GRIN2A: variants seen among roughly 807,000 people sequenced by gnomAD.
GRIN2A encodes the protein glutamate receptor ionotropic, NMDA 2A.
In GRIN2A, 22 loss-of-function variants were observed where a neutral mutation model predicts 113.4. The ratio of observed to expected loss-of-function variants is 0.19; its 90% CI spans 0.14 to 0.28. The LOEUF (loss-of-function observed/expected upper bound fraction) is 0.28. GRIN2A is among the 10% of genes least tolerant of loss of function. GRIN2A has a pLI of 1.00. For synonymous variants in GRIN2A, 827 were observed against 738.4 expected (o/e 1.12, Z -1.94); for missense variants, 1,502 against 1,887.0 (o/e 0.80, Z 3.78).
In GRIN2A at chr16:9,966,412, C is replaced by T. The variant is rs193203622; in HGVS notation, c.415-27861G>A. On this transcript the variant is annotated intron_variant, in intron 2 of 12. Coordinates refer to ENST00000330684, the MANE Select transcript of GRIN2A (RefSeq NM_001134407.3). ...GTGTTAGTTTCCTAAGGATAATGGC[C>T]TCCAGCTCCATCCATGTCCCTGCAC... 9.9e-5 allele frequency among the ~76,000 whole-genome samples: 15 copies of T among 152,230 alleles called. No homozygotes were observed. In the East Asian group the frequency reaches 2.9e-3, roughly 29 times the overall value.
At chr16:10,016,797 C>A (rs766174089) in intron 2 of GRIN2A, among the ~76,000 whole-genome samples, 2 of 152,206 alleles carry the variant, frequency 1.3e-5, no homozygotes, top group Non-Finnish European at 2.9e-5. Context: ...GGGCACCATC[C>A]CACTACCCCT....
At chr16:10,021,282 T>C (rs940761156) in intron 2 of GRIN2A, among the ~76,000 whole-genome samples, 12 of 152,158 alleles carry the variant, frequency 7.9e-5, no homozygotes, top group African/African-American at 2.4e-4. Flanking sequence ...TTATTGAACA[T>C]CTATGTTGTG....
rs552017613 is a variant in GRIN2A at position 9,895,471 on chromosome 16, T to C, written c.1008-4371A>G. On this transcript the variant is annotated intron_variant, in intron 3 of 12. Coordinates refer to ENST00000330684, the MANE Select transcript of GRIN2A (RefSeq NM_001134407.3). ...GCAGGAGTCAGATAAGCAAGTACTA[T>C]ATAGACTGAGTTTAGACTTCATCTT... is the stretch of plus-strand genomic sequence containing the variant. Among the ~76,000 whole-genome samples, 5 of 152,336 alleles carry C rather than the reference T, an allele frequency of 3.3e-5. No individual in the cohort carries two copies. In the South Asian group the frequency reaches 1.0e-3, roughly 32 times the overall value.
intron 10 of GRIN2A, among the ~76,000 whole-genome samples, chr16:9,814,364 C>A (rs938427832): frequency 2.6e-5 from 4 of 152,126 alleles, no homozygotes; most frequent in Non-Finnish European, 5.9e-5. Flanking sequence ...TTGAGCTTCA[C>A]ATTCTTCATC....
intron 2 of GRIN2A, among the ~76,000 whole-genome samples, chr16:10,106,547 C>G (rs2048504954): frequency 6.6e-6 from 1 of 151,958 alleles, no homozygotes; most frequent in Non-Finnish European, 1.5e-5. Flanking sequence ...GATTCTAAGT[C>G]CCTTGAAGAT....
At chr16:9,890,270 G>T (rs1340512818) in intron 4 of GRIN2A, among the ~76,000 whole-genome samples, 2 of 152,182 alleles carry the variant, frequency 1.3e-5, no homozygotes, top group African/African-American at 4.8e-5. Flanking sequence ...CGAAATTGTA[G>T]CGACTAACTT....
chr16:9,902,940 G>GTTT (rs34185441), intron 3 of GRIN2A, among the ~76,000 whole-genome samples: 5 of 50,634 alleles, frequency 9.9e-5, no homozygotes, highest in African/African-American at 1.1e-4. Context: ...TCTTGGTTCT[G>GTTT]TTTTTTTTTT....
chr16:9,885,104 C>T (rs992448055), intron 4 of GRIN2A, among the ~76,000 whole-genome samples: 2 of 152,024 alleles, frequency 1.3e-5, no homozygotes, highest in African/African-American at 2.4e-5. Flanking sequence ...GCCATTTGTT[C>T]CAGGGTTGGC....
intron 2 of GRIN2A, among the ~76,000 whole-genome samples, chr16:10,121,939 A>T (rs565413463): frequency 7.3e-4 from 111 of 152,354 alleles, no homozygotes; most frequent in African/African-American, 2.6e-3. Flanking sequence ...AAAACCCTGC[A>T]AACAAGAGAG....
rs1037649627 is a variant in GRIN2A, at chr16:9,758,336, A to G, written c.*4813T>C. On this transcript the variant is annotated 3_prime_UTR_variant, in exon 13 of 13. Coordinates refer to ENST00000330684, the MANE Select transcript of GRIN2A (RefSeq NM_001134407.3). ...GGCATTGTCTTCAGAAGCAAATGCG[A>G]GCAGAATATATTCTATACCCCTCAT... 1 of 224,760 alleles carries G rather than the reference A, an allele frequency of 4.4e-6. No homozygotes were observed. Among genetic ancestry groups the G allele is most frequent in the Non-Finnish European group, 8.9e-6 (1 of 112,784 alleles). The allele number at this position is 224,760 out of a possible 1,614,324, so 13.9% of individuals were successfully genotyped here.
In GRIN2A at chr16:9,789,519, C is replaced by T. The variant is rs77970215; in HGVS notation, c.2356+8758G>A. 9.9e-5 allele frequency among the ~76,000 whole-genome samples: 15 copies of T among 151,596 alleles called. No individual in the cohort carries two copies. In the South Asian group the frequency reaches 3.1e-3, roughly 32 times the overall value. ...GTCTGAGTTTAGAGAATTTGGAAAA[C>T]AAACCTTGGTTGATAAGATATATGA... On this transcript the variant is annotated intron_variant, in intron 11 of 12. Coordinates refer to ENST00000330684, the MANE Select transcript of GRIN2A (RefSeq NM_001134407.3).
At chr16:10,156,785 G>A (rs944109968) in intron 2 of GRIN2A, among the ~76,000 whole-genome samples, 1 of 152,100 alleles carries the variant, frequency 6.6e-6, no homozygotes, top group African/African-American at 2.4e-5. Context: ...CAGTTTTCAG[G>A]GTTTTCATAC....
At chr16:9,907,544 T>C (rs961500122) in intron 3 of GRIN2A, among the ~76,000 whole-genome samples, 5 of 152,180 alleles carry the variant, frequency 3.3e-5, no homozygotes, top group Non-Finnish European at 7.3e-5. Context: ...ATTGCAGTCA[T>C]GATTATACGA....
chr16:10,021,704 G>T (rs1480984879), intron 2 of GRIN2A, among the ~76,000 whole-genome samples: 3 of 152,086 alleles, frequency 2.0e-5, no homozygotes, highest in African/African-American at 7.2e-5. Flanking sequence ...AAAAGCATAT[G>T]CAAATGCCCC....
intron 2 of GRIN2A, among the ~76,000 whole-genome samples, chr16:10,054,675 A>C (rs921418746): frequency 4.6e-5 from 7 of 152,234 alleles, no homozygotes; most frequent in Non-Finnish European, 1.0e-4. Flanking sequence ...GATATTTAAA[A>C]TATAAATAGT....
intron 2 of GRIN2A, among the ~76,000 whole-genome samples, chr16:9,972,006 TGAG>T (rs71402419): frequency 0.25 from 38,292 of 151,824 alleles, 5,581 homozygotes; most frequent in Non-Finnish European, 0.32. Flanking sequence ...CTTTCTGGCC[TGAG>T]GAGGTGGAAG....
At chr16:9,876,257 C>T (rs917656890) in intron 4 of GRIN2A, among the ~76,000 whole-genome samples, 1 of 152,170 alleles carries the variant, frequency 6.6e-6, no homozygotes, top group Non-Finnish European at 1.5e-5. Context: ...CTCTCCCAGG[C>T]TTGTAAATAT....
intron 2 of GRIN2A, among the ~76,000 whole-genome samples, chr16:9,961,405 G>A (rs1028970914): frequency 2.0e-5 from 3 of 152,150 alleles, no homozygotes; most frequent in Non-Finnish European, 4.4e-5. Flanking sequence ...AACCACAAAA[G>A]CATCATGCTG....
chr16:9,950,008 T>C (rs1416113341), intron 2 of GRIN2A, among the ~76,000 whole-genome samples: 4 of 152,164 alleles, frequency 2.6e-5, no homozygotes, highest in African/African-American at 4.8e-5. Flanking sequence ...TCTCACAATC[T>C]GAAGGCAGGA....
Sources: allele counts gnomAD v4.1 joint callset (sites outside exome capture counted in the v4.1 genomes callset), GRCh38; gene constraint gnomAD v4.1.1; transcripts MANE v1.5; gene names NCBI Gene and HGNC (gene_info 2026-07-23, HGNC 2026-07-21).